Variants in PIK3C2G observed in about 807,000 individuals in gnomAD.
PIK3C2G encodes the protein phosphatidylinositol 3-kinase C2 domain-containing subunit gamma.
In PIK3C2G, 168 loss-of-function variants were observed where a neutral mutation model predicts 181.1. The ratio of observed to expected loss-of-function variants is 0.93; its 90% confidence interval spans 0.82 to 1.05. PIK3C2G has a LOEUF of 1.05. Among genes scored for constraint, PIK3C2G ranks in the 50% least tolerant of loss-of-function variants. The pLI, the probability that PIK3C2G is intolerant of heterozygous loss-of-function variation, is 0.00. For missense variants in PIK3C2G, 1,869 were observed against 1,732.8 expected (o/e 1.08, Z -1.40); for synonymous variants, 573 against 592.2 (o/e 0.97, Z 0.47).
At chr12:18,628,256 A>C (rs1436988259) in intron 31 of PIK3C2G, among the ~76,000 whole-genome samples, 1 of 152,176 alleles carries the variant, frequency 6.6e-6, no homozygotes, top group East Asian at 1.9e-4. Flanking sequence ...CTATGAGTGC[A>C]AAATAAATAT....
At chr12:18,631,040 AT>A (rs1182041798) in intron 31 of PIK3C2G, among the ~76,000 whole-genome samples, 1 of 152,180 alleles carries the variant, frequency 6.6e-6, no homozygotes, top group Admixed American at 6.6e-5. Flanking sequence ...TTATTTAATC[AT>A]TTTAAAGTAA....
chr12:18,420,323 C>T (rs901634369), intron 16 of PIK3C2G, among the ~76,000 whole-genome samples: 1 of 151,992 alleles, frequency 6.6e-6, no homozygotes, highest in Non-Finnish European at 1.5e-5. Context: ...CTAAATACCT[C>T]ACAAATTTAT....
At chr12:18,627,658 C>A (rs1949163482) in intron 31 of PIK3C2G, among the ~76,000 whole-genome samples, 2 of 152,164 alleles carry the variant, frequency 1.3e-5, no homozygotes, top group South Asian at 4.1e-4. Flanking sequence ...GGCACAAAAA[C>A]AAATCATATC....
At chr12:18,405,389 CA>C (rs1420242271) in intron 16 of PIK3C2G, among the ~76,000 whole-genome samples, 1 of 140,874 alleles carries the variant, frequency 7.1e-6, no homozygotes, top group Non-Finnish European at 1.6e-5. Flanking sequence ...TGGAGAACAG[CA>C]ACATTTGTGT....
chr12:18,724,104 G>A, the PIK3C2G span, among the ~76,000 whole-genome samples: 1 of 152,094 alleles, frequency 6.6e-6, no homozygotes, highest in South Asian at 2.1e-4. Flanking sequence ...GTTGTTAAAA[G>A]TACCAGGATG....
intron 6 of PIK3C2G, among the ~76,000 whole-genome samples, chr12:18,317,070 G>T (rs543957453): frequency 9.0e-5 from 13 of 145,070 alleles, no homozygotes; most frequent in Non-Finnish European, 1.0e-4. Context: ...CTGGAGTGCA[G>T]TGGCGTGATC....
At chr12:18,398,853 C>T (rs774933199) in intron 15 of PIK3C2G, among the ~76,000 whole-genome samples, 81 of 152,160 alleles carry the variant, frequency 5.3e-4, no homozygotes, top group Non-Finnish European at 8.8e-4. Context: ...GCAAAGATTT[C>T]TTAACTCCGA....
At chr12:18,514,852 C>T (rs1387493006) in intron 24 of PIK3C2G, among the ~76,000 whole-genome samples, 1 of 151,792 alleles carries the variant, frequency 6.6e-6, no homozygotes, top group East Asian at 1.9e-4. Flanking sequence ...TTAACTTTTC[C>T]TCATTTTGTA....
At chr12:18,433,457 C>T (rs1427464793) in intron 18 of PIK3C2G, among the ~76,000 whole-genome samples, 3 of 151,836 alleles carry the variant, frequency 2.0e-5, no homozygotes, top group Non-Finnish European at 4.4e-5. Flanking sequence ...ACCCAGGAGG[C>T]GGAGGTTACA....
chr12:18,298,631 T>C (rs763782662), intron 5 of PIK3C2G, among the ~76,000 whole-genome samples: 6 of 151,870 alleles, frequency 4.0e-5, no homozygotes, highest in Non-Finnish European at 5.9e-5. Flanking sequence ...TACACCAATG[T>C]TCTGGAACAT....
chr12:18,625,324 A>G (rs974978117), intron 31 of PIK3C2G, among the ~76,000 whole-genome samples: 1 of 151,252 alleles, frequency 6.6e-6, no homozygotes, highest in Non-Finnish European at 1.5e-5. Context: ...TTATGTGTTA[A>G]TTTTCTAAAA....
chr12:18,251,389 T>A (rs187279431), intron 1 of PIK3C2G, among the ~76,000 whole-genome samples: 53 of 152,116 alleles, frequency 3.5e-4, no homozygotes, highest in African/African-American at 1.3e-3. Context: ...TTGAGCCTTG[T>A]TGTTTACTAC....
At chr12:18,538,929 C>T (rs1309091439) in intron 25 of PIK3C2G, among the ~76,000 whole-genome samples, 1 of 151,808 alleles carries the variant, frequency 6.6e-6, no homozygotes, top group Non-Finnish European at 1.5e-5. Context: ...CAGATATGTA[C>T]CATGAGGGAA....
intron 12 of PIK3C2G, 118 bp downstream of exon 12, chr12:18,363,004 C>A: frequency 2.7e-6 from 2 of 729,530 alleles, no homozygotes; most frequent in Non-Finnish European, 4.3e-6. Context: ...TGATTTGATT[C>A]AGTGGTATGA....
chr12:18,671,119 G>C, the PIK3C2G span, among the ~76,000 whole-genome samples: 1 of 150,958 alleles, frequency 6.6e-6, no homozygotes, highest in African/African-American at 2.4e-5. Flanking sequence ...GGAGGTGACA[G>C]TGATTTCAGC....
At chr12:18,631,142 T>C (rs78674877) in intron 31 of PIK3C2G, among the ~76,000 whole-genome samples, 13,901 of 152,144 alleles carry the variant, frequency 0.091, 873 homozygotes, top group Non-Finnish European at 0.14. Context: ...AATAAATTAT[T>C]TGAGACTTTG....
intron 5 of PIK3C2G, among the ~76,000 whole-genome samples, chr12:18,308,800 CTT>C (rs952831775): frequency 2.0e-5 from 3 of 151,434 alleles, no homozygotes; most frequent in Non-Finnish European, 3.0e-5. Context: ...AAATGATAAA[CTT>C]ATTACACGTA....
intron 31 of PIK3C2G, among the ~76,000 whole-genome samples, chr12:18,630,291 C>G (rs185958661): frequency 4.1e-4 from 62 of 152,180 alleles, no homozygotes; most frequent in African/African-American, 1.4e-3. Flanking sequence ...ACTTGGGAGG[C>G]TGAGGCAGGA....
At chr12:18,510,804 TAACAC>T (rs1278430643) in intron 24 of PIK3C2G, among the ~76,000 whole-genome samples, 1 of 152,206 alleles carries the variant, frequency 6.6e-6, no homozygotes. Context: ...TCAAACTCGT[TAACAC>T]AGCCACCACC....
Sources: gnomAD v4.1 joint callset for allele counts (sites outside exome capture counted in the v4.1 genomes callset) on GRCh38, gnomAD v4.1.1 for gene constraint, MANE v1.5 for transcripts, NCBI Gene and HGNC (gene_info 2026-07-23, HGNC 2026-07-21) for gene names.